PCDHA2: variants seen among roughly 807,000 people sequenced by gnomAD.
PCDHA2 encodes protocadherin alpha 2.
In PCDHA2, 58 loss-of-function variants were observed where a neutral mutation model predicts 66.0. The ratio of observed to expected loss-of-function variants is 0.88; its 90% confidence interval spans 0.71 to 1.09. The LOEUF (loss-of-function observed/expected upper bound fraction) is 1.09, where lower values mean the gene tolerates loss of function less well. PCDHA2 is among the 50% of genes least tolerant of loss of function. The pLI is 0.00. For synonymous variants in PCDHA2, 634 were observed against 554.0 expected (o/e 1.14, Z -2.03); for missense variants, 1,267 against 1,242.3 (o/e 1.02, Z -0.30).
At chr5:140,798,327 A>G (rs941948042) in intron 1 of PCDHA2, among the ~76,000 whole-genome samples, 3 of 152,238 alleles carry the variant, frequency 2.0e-5, no homozygotes, top group Non-Finnish European at 4.4e-5. Context: ...ATTATTTGGT[A>G]TAAAGATTTC....
intron 1 of PCDHA2, among the ~76,000 whole-genome samples, chr5:140,826,782 C>T (rs1443804461): frequency 6.6e-6 from 1 of 152,004 alleles, no homozygotes; most frequent in Non-Finnish European, 1.5e-5. Flanking sequence ...TGAAAATAAC[C>T]TGCAAAAAGT....
intron 3 of PCDHA2, among the ~76,000 whole-genome samples, chr5:141,008,048 G>A (rs2098358764): frequency 1.3e-5 from 2 of 151,972 alleles, no homozygotes; most frequent in South Asian, 4.2e-4. Flanking sequence ...TTTGTAACAG[G>A]GGTCCAGTCC....
At chr5:140,917,324 C>CGGGGGGGG (rs1299895515) in intron 1 of PCDHA2, among the ~76,000 whole-genome samples, 1 of 76,104 alleles carries the variant, frequency 1.3e-5, no homozygotes, top group Non-Finnish European at 2.9e-5. Context: ...GTTCATGTGG[C>CGGGGGGGG]GGGGGAGGGG....
chr5:140,834,404 C>A lies in PCDHA2; in HGVS notation c.2388+37052C>A, dbSNP rs17844304. On this transcript the variant is annotated intron_variant, in intron 1 of 3. Coordinates refer to ENST00000526136, the MANE Select transcript of PCDHA2 (RefSeq NM_018905.3). ...TTGAAATGGTGTGCCCGAATGGATACGACCCAGGGGGCCGACATCTACTGC... is the reference window on the plus strand; with the variant it reads ...TTGAAATGGTGTGCCCGAATGGATAAGACCCAGGGGGCCGACATCTACTGC... 182 of 1,606,186 alleles carry A rather than the reference C, an allele frequency of 1.1e-4. No individual in the cohort carries two copies. The East Asian group carries it at 3.7e-3, about 32-fold the overall frequency.
rs185929013 is a variant in PCDHA2 at position 140,956,196 on chromosome 5, T to G, written c.2389-22753T>G. 2.6e-5 allele frequency among the ~76,000 whole-genome samples: 4 copies of G among 152,188 alleles called. No homozygotes were observed. In the East Asian group the frequency reaches 7.7e-4, roughly 29 times the overall value. On this transcript the variant is annotated intron_variant, in intron 1 of 3. Coordinates refer to ENST00000526136, the MANE Select transcript of PCDHA2 (RefSeq NM_018905.3). The stretch of plus-strand genomic sequence containing the variant: ...CTTCCAATACTATGCTGAATAGGAG[T>G]GGTGAAAGAGGGCATCCTTGTCTTG...
chr5:140,928,563 T>C lies in PCDHA2; in HGVS notation c.2389-50386T>C, dbSNP rs138980511. 9.3e-4 allele frequency: 1,498 copies of C among 1,614,116 alleles called. 1 individual carries two copies. Among genetic ancestry groups the C allele is most frequent in the Non-Finnish European group, 1.2e-3 (1,397 of 1,180,050 alleles). On this transcript the variant is annotated intron_variant, in intron 1 of 3. Coordinates refer to ENST00000526136, the MANE Select transcript of PCDHA2 (RefSeq NM_018905.3). ...ATGACAATTATCCGGTTATCTTGTT[T>C]CCCTTGCCCAGAAATGGTTCTGTCC...
chr5:140,919,080 T>C (rs1208413625), intron 1 of PCDHA2, among the ~76,000 whole-genome samples: 1 of 152,260 alleles, frequency 6.6e-6, no homozygotes, highest in Non-Finnish European at 1.5e-5. Flanking sequence ...GTTATGACTA[T>C]TGAATTGTCT....
chr5:140,872,075 C>T (rs1452265862), intron 1 of PCDHA2, among the ~76,000 whole-genome samples: 1 of 152,234 alleles, frequency 6.6e-6, no homozygotes, highest in Non-Finnish European at 1.5e-5. Flanking sequence ...GCTGGGAATG[C>T]AGTGCCACTG....
chr5:140,924,274 T>C (rs904028474), intron 1 of PCDHA2, among the ~76,000 whole-genome samples: 1 of 152,232 alleles, frequency 6.6e-6, no homozygotes, highest in East Asian at 1.9e-4. Flanking sequence ...TCTGTACTTG[T>C]GACTACCTAA....
At chr5:140,808,398 A>C (rs781853303) in intron 1 of PCDHA2, 1 of 1,614,148 alleles carries the variant, frequency 6.2e-7, no homozygotes, top group South Asian at 1.1e-5. Flanking sequence ...TTCAAGAATT[A>C]CTACTCGTTG....
chr5:140,850,928 T>A (rs2150502915), intron 1 of PCDHA2: 1 of 1,520,688 alleles, frequency 6.6e-7, no homozygotes, highest in Non-Finnish European at 8.8e-7. Context: ...ATATAATTTT[T>A]TTTCTTGAAA....
At chr5:140,967,001 A>G (rs1048933252) in intron 1 of PCDHA2, 5 of 1,605,060 alleles carry the variant, frequency 3.1e-6, no homozygotes, top group East Asian at 2.2e-5. Flanking sequence ...TTGCTTGCGC[A>G]TCAACCATCT....
intron 1 of PCDHA2, among the ~76,000 whole-genome samples, chr5:140,800,435 G>A (rs1762553691): frequency 6.6e-6 from 1 of 152,084 alleles, no homozygotes; most frequent in Non-Finnish European, 1.5e-5. Flanking sequence ...AACAGTTGCT[G>A]TAATAACATA....
intron 1 of PCDHA2, chr5:140,830,270 C>G: frequency 1.2e-6 from 2 of 1,613,610 alleles, no homozygotes; most frequent in Non-Finnish European, 1.7e-6. Flanking sequence ...CTCGGCGCCA[C>G]CCACCGAGGG....
At chr5:140,945,372 T>C (rs1554216918) in intron 1 of PCDHA2, among the ~76,000 whole-genome samples, 1 of 152,088 alleles carries the variant, frequency 6.6e-6, no homozygotes, top group Non-Finnish European at 1.5e-5. Flanking sequence ...AATGTCCATA[T>C]TACCCAAAGC....
chr5:140,802,967 G>T lies in PCDHA2; in HGVS notation c.2388+5615G>T. 2.5e-6 allele frequency: 4 copies of T among 1,613,992 alleles called. No individual in the cohort carries two copies. In the South Asian group the frequency reaches 3.3e-5, roughly 13 times the overall value. The stretch of plus-strand genomic sequence containing the variant: ...CGCGGTCAGTGGGTGCGGGCCACGT[G>T]GTAGCGAAGGTGCGCGCAGTGGATG... On this transcript the variant is annotated intron_variant, in intron 1 of 3. Coordinates refer to ENST00000526136, the MANE Select transcript of PCDHA2 (RefSeq NM_018905.3).
At chr5:140,926,719 A>G (rs1315762828) in intron 1 of PCDHA2, 38 of 986,432 alleles carry the variant, frequency 3.9e-5, no homozygotes, top group Non-Finnish European at 4.4e-5. Flanking sequence ...AGCCCCGGCA[A>G]TGCCGGCGTT....
intron 1 of PCDHA2, among the ~76,000 whole-genome samples, chr5:140,907,888 C>G (rs1441879791): frequency 6.6e-6 from 1 of 152,234 alleles, no homozygotes; most frequent in Non-Finnish European, 1.5e-5. Flanking sequence ...ACATGGGATA[C>G]AAATATCTTC....
chr5:140,797,859 T>C (rs1163584725), intron 1 of PCDHA2, among the ~76,000 whole-genome samples: 7 of 152,084 alleles, frequency 4.6e-5, no homozygotes, highest in African/African-American at 1.7e-4. Context: ...TTTTTTTGTT[T>C]GTTTGTTTTT....
Sources: allele counts gnomAD v4.1 joint callset (sites outside exome capture counted in the v4.1 genomes callset), GRCh38; gene constraint gnomAD v4.1.1; transcripts MANE v1.5; gene names NCBI Gene and HGNC (gene_info 2026-07-23, HGNC 2026-07-21).